Variants in ABLIM2 observed in about 807,000 individuals in gnomAD.
ABLIM2 encodes the protein actin-binding LIM protein 2.
Under a neutral mutation model 97.7 loss-of-function variants are expected in ABLIM2, and 53 were observed. That is an observed-to-expected ratio of 0.54 (90% CI 0.44 to 0.68). ABLIM2 has a LOEUF of 0.68. Among genes scored for constraint, ABLIM2 ranks in the 30% least tolerant of loss-of-function variants. ABLIM2 has a pLI of 0.00. For missense variants in ABLIM2, 835 were observed against 867.2 expected, an observed-to-expected ratio of 0.96 and a Z score of 0.47; for synonymous variants, 361 against 345.8, an observed-to-expected ratio of 1.04 and a Z score of -0.49.
rs559317718 is a variant in ABLIM2, at chr4:8,057,859, G to A, written c.763+3108C>T. 3.3e-5 allele frequency among the ~76,000 whole-genome samples: 5 copies of A among 152,296 alleles called. No homozygotes were observed. In the South Asian group the frequency reaches 6.2e-4, roughly 19 times the overall value. Reference sequence around the variant, plus strand: ...CCAAATAACATCTGCATGGAGCCCCGACATCCCTGGAGGCCACACAGAGGG... The same window carrying A: ...CCAAATAACATCTGCATGGAGCCCCAACATCCCTGGAGGCCACACAGAGGG... On this transcript the variant is annotated intron_variant, in intron 7 of 20. Coordinates refer to ENST00000447017, the MANE Select transcript of ABLIM2 (RefSeq NM_001130083.2).
In ABLIM2 at chr4:7,998,433, C is replaced by T. The variant is rs1754868025; in HGVS notation, c.1619-5506G>A. Among the ~76,000 whole-genome samples, 1 of 151,794 alleles carries T rather than the reference C, an allele frequency of 6.6e-6. No homozygotes were observed. Among genetic ancestry groups the T allele is most frequent in the Non-Finnish European group, 1.5e-5 (1 of 67,980 alleles). ...CTTGCTGAAGTGCTATTCTGGTCTG[C>T]TAAATTCACCTGGAGCTGCCGGTCT... On this transcript the variant is annotated intron_variant, in intron 16 of 20. Transcript: ENST00000447017. This position sits in a 1 kb window ranked among gnomAD's most constrained non-coding sequence, Gnocchi z 6.4.
chr4:8,143,231 C>T (rs1851302683), intron 1 of ABLIM2, among the ~76,000 whole-genome samples: 1 of 150,864 alleles, frequency 6.6e-6, no homozygotes, highest in Non-Finnish European at 1.5e-5. Flanking sequence ...CAGGCTGAGG[C>T]CCAGGCATCT....
chr4:8,145,607 G>T (rs1199050905), intron 1 of ABLIM2, among the ~76,000 whole-genome samples: 1 of 152,046 alleles, frequency 6.6e-6, no homozygotes, highest in Non-Finnish European at 1.5e-5. Context: ...AGCCCTGCTG[G>T]GTGCTAGCAT....
In ABLIM2 at chr4:8,140,908, C is replaced by T. The variant is rs373091597; in HGVS notation, c.10+17772G>A. 1.3e-4 allele frequency among the ~76,000 whole-genome samples: 20 copies of T among 152,194 alleles called. No individual in the cohort carries two copies. In the South Asian group the frequency reaches 1.9e-3, roughly 14 times the overall value. Reference sequence around the variant, plus strand: ...GCAGAGGAGGCCTGGGTGGTGTGAACGGTGTTTTTCTAGAACTCCTTACTC... The same window carrying T: ...GCAGAGGAGGCCTGGGTGGTGTGAATGGTGTTTTTCTAGAACTCCTTACTC... On this transcript the variant is annotated intron_variant, in intron 1 of 20. Coordinates refer to ENST00000447017, the MANE Select transcript of ABLIM2 (RefSeq NM_001130083.2). The surrounding 1 kb of genome is among the most constrained non-coding windows in gnomAD (Gnocchi z 5.9).
At chr4:8,133,280 G>A (rs1849687883) in intron 1 of ABLIM2, among the ~76,000 whole-genome samples, 2 of 152,208 alleles carry the variant, frequency 1.3e-5, no homozygotes, top group Admixed American at 1.3e-4. Context: ...AGGGGTCAGG[G>A]CTTCACTTAG....
At chr4:8,084,227 C>A (rs770534141) in intron 4 of ABLIM2, among the ~76,000 whole-genome samples, 1 of 152,206 alleles carries the variant, frequency 6.6e-6, no homozygotes, top group East Asian at 1.9e-4. Context: ...TCGGCCCCAG[C>A]GCACTGCGGT....
In ABLIM2 at chr4:8,120,523, G is replaced by A. The variant is rs951288108; in HGVS notation, c.11-13886C>T. Among the ~76,000 whole-genome samples the A allele has an allele frequency of 6.6e-6, 1 of 152,128 alleles. No homozygotes were observed. The highest frequency in any genetic ancestry group is 2.4e-5 in the African/African-American group (1 of 41,392). The stretch of plus-strand genomic sequence containing the variant: ...GAAGATGGCGACTTAGATGCCAGGA[G>A]AGGGGCCCTGGGACGGGTCCTTCCT... On this transcript the variant is annotated intron_variant, in intron 1 of 20. Transcript: ENST00000447017. The surrounding 1 kb of genome is among the most constrained non-coding windows in gnomAD (Gnocchi z 5.6).
rs111927754 is a variant in ABLIM2, at chr4:8,103,276, G to A, written c.154+3218C>T. 2.6e-3 allele frequency among the ~76,000 whole-genome samples: 393 copies of A among 152,326 alleles called. 1 individual carries two copies. Among genetic ancestry groups the A allele is most frequent in the African/African-American group, 4.7e-3 (197 of 41,566 alleles). On this transcript the variant is annotated intron_variant, in intron 2 of 20. Transcript: ENST00000447017. ...CCAAAGCACCCTCAATGATTCATAC[G>A]CTGCACTCTCATGAGAGCCTGGAGA...
At chr4:8,077,918 G>C (rs914513221) in intron 5 of ABLIM2, among the ~76,000 whole-genome samples, 197 bp from the exon 6 acceptor site, 3 of 152,210 alleles carry the variant, frequency 2.0e-5, no homozygotes, top group African/African-American at 7.2e-5. Flanking sequence ...TGATGACAAT[G>C]GTCCCATTTC....
rs1349300242 is a variant in ABLIM2 at position 8,076,865 on chromosome 4, AACCCAGAGAGGGTGGGCTACAGGGTG to A, written c.675+737_675+762del. ...GGGCTACAGGGTGGGGGGGTCTGTG[AACCCAGAGAGGGTGGGCTACAGGGTG>A]GGGGGGTCTGTGAACCCAGAGAGGG... On this transcript the variant is annotated intron_variant, in intron 6 of 20. Transcript: ENST00000447017. Among the ~76,000 whole-genome samples the A allele has an allele frequency of 2.7e-3, 54 of 20,246 alleles. 8 individuals carry two copies. The highest frequency in any genetic ancestry group is 9.0e-3 in the African/African-American group (44 of 4,904). 13.3% of individuals were successfully genotyped at this position (20,246 alleles called of 152,430 possible). A position where few individuals can be genotyped will look rare whatever the true frequency, so the allele number is the denominator to read the frequency against.
intron 1 of ABLIM2, among the ~76,000 whole-genome samples, chr4:8,152,849 G>A (rs1044586686): frequency 1.3e-5 from 2 of 152,216 alleles, no homozygotes; most frequent in Admixed American, 1.3e-4. Flanking sequence ...AGACTCTGGG[G>A]AGGGGCAGCA....
Position 8,060,808 on chromosome 4 carries a change from T to C in ABLIM2, c.763+159A>G, listed in dbSNP as rs1039037092. Among the ~76,000 whole-genome samples, 104 of 152,316 alleles carry C rather than the reference T, an allele frequency of 6.8e-4. No homozygotes were observed. The Middle Eastern group carries it at 0.014, about 20-fold the overall frequency. On this transcript the variant is annotated intron_variant, in intron 7 of 20. Transcript: ENST00000447017. ...AGGCTGACGAGGCTGGCCTGGCACG[T>C]GCCACCGCCCTGCCCTGCCGGCTCC...
chr4:7,980,772 C>T (rs1737451133), intron 20 of ABLIM2, among the ~76,000 whole-genome samples: 1 of 151,160 alleles, frequency 6.6e-6, no homozygotes, highest in Non-Finnish European at 1.5e-5. Flanking sequence ...ATTTACATTC[C>T]AGAATCCCTT....
At chr4:7,995,752 C>T (rs572834083) in intron 16 of ABLIM2, among the ~76,000 whole-genome samples, 23 of 152,224 alleles carry the variant, frequency 1.5e-4, no homozygotes, top group Non-Finnish European at 2.1e-4. Context: ...ATGTGAACCC[C>T]GATATGCAAA....
At position 8,061,915 on chromosome 4, in the gene ABLIM2, G is replaced by A. The variant is rs917649445; in HGVS notation, c.676-861C>T. Among the ~76,000 whole-genome samples the A allele has an allele frequency of 1.3e-5, 2 of 152,146 alleles. No homozygotes were observed. The highest frequency in any genetic ancestry group is 4.8e-5 in the African/African-American group (2 of 41,424). On this transcript the variant is annotated intron_variant, in intron 6 of 20. Coordinates refer to ENST00000447017, the MANE Select transcript of ABLIM2 (RefSeq NM_001130083.2). The surrounding 1 kb of genome is among the most constrained non-coding windows in gnomAD (Gnocchi z 4.5). ...TTTTCCCTGTCCTGTGCCTTCCCTA[G>A]GATGAAAACAGCCCCGAGATGGCCC...
rs1368571831 is a variant in ABLIM2 at position 8,132,230 on chromosome 4, C to T, written c.11-25593G>A. 1.3e-5 allele frequency among the ~76,000 whole-genome samples: 2 copies of T among 152,212 alleles called. No individual in the cohort carries two copies. The highest frequency in any genetic ancestry group is 2.9e-5 in the Non-Finnish European group (2 of 68,044). ...TCACCCCCTCCCCTGCACAGAACCC[C>T]TCACTCCCTGACAGCCCAGCGCTGT... On this transcript the variant is annotated intron_variant, in intron 1 of 20. Coordinates refer to ENST00000447017, the MANE Select transcript of ABLIM2 (RefSeq NM_001130083.2). This position sits in a 1 kb window ranked among gnomAD's most constrained non-coding sequence, Gnocchi z 8.0.
intron 17 of ABLIM2, among the ~76,000 whole-genome samples, chr4:7,990,947 G>A (rs1355585739): frequency 6.6e-6 from 1 of 152,224 alleles, no homozygotes; most frequent in Non-Finnish European, 1.5e-5. Flanking sequence ...AATGTGAAAA[G>A]CTAAGAATCT....
rs945170260 is a variant in ABLIM2, at chr4:8,132,290, T to C, written c.11-25653A>G. Among the ~76,000 whole-genome samples the C allele has an allele frequency of 6.6e-6, 1 of 152,114 alleles. No individual in the cohort carries two copies. Among genetic ancestry groups the C allele is most frequent in the African/African-American group, 2.4e-5 (1 of 41,410 alleles). ...CCATCACGGGGGCATGGATGGGGTA[T>C]AATTACTCACATCTTCATTTCTGAA... is the stretch of plus-strand genomic sequence containing the variant. On this transcript the variant is annotated intron_variant, in intron 1 of 20. Transcript: ENST00000447017. The surrounding 1 kb of genome is among the most constrained non-coding windows in gnomAD (Gnocchi z 8.0).
chr4:8,010,436 C>T (rs1048680658), intron 14 of ABLIM2: 14 of 985,776 alleles, frequency 1.4e-5, no homozygotes, highest in African/African-American at 1.0e-4. Flanking sequence ...TTACCTGCAG[C>T]GGGCGGCGGG....
Sources: allele counts gnomAD v4.1 joint callset (sites outside exome capture counted in the v4.1 genomes callset), GRCh38; gene constraint gnomAD v4.1.1; non-coding constraint Gnocchi (gnomAD v3.1); transcripts MANE v1.5; gene names NCBI Gene and HGNC (gene_info 2026-07-23, HGNC 2026-07-21).